The following CTNNA3 variants were observed in gnomAD, a reference collection of about 807,000 sequenced individuals.
The protein encoded by CTNNA3 is catenin alpha 3, also known as catenin alpha-3.
A neutral mutation model predicts 95.7 loss-of-function variants in CTNNA3; 76 were observed. The ratio of observed to expected loss-of-function variants is 0.79; its 90% CI spans 0.66 to 0.96. The LOEUF is 0.96. CTNNA3 is among the 40% of genes least tolerant of loss of function. The pLI is 0.00. For synonymous variants in CTNNA3, 431 were observed against 374.4 expected, an observed-to-expected ratio of 1.15 and a Z score of -1.74; for missense variants, 1,191 against 1,089.8, an observed-to-expected ratio of 1.09 and a Z score of -1.31.
intron 11 of CTNNA3, among the ~76,000 whole-genome samples, chr10:66,488,222 A>G (rs1404840838): frequency 1.3e-5 from 2 of 152,208 alleles, no homozygotes; most frequent in African/African-American, 2.4e-5. Flanking sequence ...AATCACTTGA[A>G]ATAACTATAG....
chr10:65,976,060 GACAA>G (rs940330328), intron 16 of CTNNA3, among the ~76,000 whole-genome samples: 12 of 152,126 alleles, frequency 7.9e-5, no homozygotes, highest in African/African-American at 2.9e-4. Flanking sequence ...GGAGAATATT[GACAA>G]ACAGAGAGGT....
chr10:67,319,434 T>G (rs576827751), intron 5 of CTNNA3, among the ~76,000 whole-genome samples: 11 of 152,172 alleles, frequency 7.2e-5, no homozygotes, highest in Non-Finnish European at 1.5e-4. Context: ...ACTCATGAAT[T>G]ATGCCTAGCA....
chr10:66,469,205 T>C (rs1366102075), intron 11 of CTNNA3, among the ~76,000 whole-genome samples: 1 of 151,858 alleles, frequency 6.6e-6, no homozygotes, highest in Admixed American at 6.6e-5. Flanking sequence ...AACACTTAAA[T>C]AGTAACACAA....
intron 12 of CTNNA3, among the ~76,000 whole-genome samples, chr10:66,350,659 G>A (rs2092560271): frequency 6.6e-6 from 1 of 150,720 alleles, no homozygotes; most frequent in Non-Finnish European, 1.5e-5. Context: ...TTGGGAAAAT[G>A]CTTATTTTCC....
intron 7 of CTNNA3, among the ~76,000 whole-genome samples, chr10:67,011,068 G>A (rs866391081): frequency 1.6e-4 from 25 of 152,006 alleles, no homozygotes; most frequent in South Asian, 6.2e-4. Flanking sequence ...GGTGGCTCAC[G>A]CCTGTAATCC....
chr10:67,579,495 A>C (rs1385628089), intron 3 of CTNNA3, among the ~76,000 whole-genome samples: 1 of 152,066 alleles, frequency 6.6e-6, no homozygotes, highest in Non-Finnish European at 1.5e-5. Flanking sequence ...GCTATTGTGA[A>C]TAGTGCCACA....
chr10:67,084,371 A>T (rs1339387436), intron 7 of CTNNA3, among the ~76,000 whole-genome samples: 1 of 152,002 alleles, frequency 6.6e-6, no homozygotes, highest in South Asian at 2.1e-4. Flanking sequence ...CAAGTTAAAA[A>T]TTTTTATATT....
intron 7 of CTNNA3, among the ~76,000 whole-genome samples, chr10:67,053,967 T>C (rs555205541): frequency 5.9e-5 from 9 of 151,902 alleles, no homozygotes; most frequent in Admixed American, 3.9e-4. Context: ...ATGTCATCCA[T>C]ATATCTTAGG....
At chr10:67,722,840 A>G (rs955452444) in intron 1 of CTNNA3, among the ~76,000 whole-genome samples, 4 of 152,178 alleles carry the variant, frequency 2.6e-5, no homozygotes, top group Non-Finnish European at 4.4e-5. Flanking sequence ...ATAAGTGAAC[A>G]TATTTGCTCA....
At chr10:67,364,336 G>C (rs1843120998) in intron 5 of CTNNA3, among the ~76,000 whole-genome samples, 1 of 151,948 alleles carries the variant, frequency 6.6e-6, no homozygotes, top group East Asian at 1.9e-4. Flanking sequence ...CATAATAAGA[G>C]CTATTTATGA....
chr10:66,422,932 A>G (rs2093208388), intron 11 of CTNNA3, among the ~76,000 whole-genome samples: 1 of 151,850 alleles, frequency 6.6e-6, no homozygotes, highest in Non-Finnish European at 1.5e-5. Context: ...TCCCAGCCAA[A>G]TTTCATTTTT....
At chr10:66,975,200 T>G (rs1849963106) in intron 7 of CTNNA3, among the ~76,000 whole-genome samples, 1 of 152,200 alleles carries the variant, frequency 6.6e-6, no homozygotes, top group Non-Finnish European at 1.5e-5. Context: ...GCTCAATAAC[T>G]GATTTATTTG....
chr10:67,477,054 G>A (rs1187382839), intron 5 of CTNNA3, among the ~76,000 whole-genome samples: 2 of 151,988 alleles, frequency 1.3e-5, no homozygotes, highest in Admixed American at 6.6e-5. Context: ...TTAACAGCCT[G>A]AGCTGCCCAA....
At chr10:66,169,942 G>A in intron 13 of CTNNA3, among the ~76,000 whole-genome samples, 1 of 152,008 alleles carries the variant, frequency 6.6e-6, no homozygotes, top group East Asian at 1.9e-4. Flanking sequence ...ATGTATAGAT[G>A]GTGAAGATTT....
chr10:66,634,745 A>T (rs1263333186), intron 9 of CTNNA3, among the ~76,000 whole-genome samples: 4 of 152,144 alleles, frequency 2.6e-5, no homozygotes, highest in Non-Finnish European at 5.9e-5. Flanking sequence ...CTCTCAAATA[A>T]GTCATTAAAG....
chr10:67,066,195 C>CTTTTTTTT (rs71006118), intron 7 of CTNNA3, among the ~76,000 whole-genome samples: 5 of 123,062 alleles, frequency 4.1e-5, no homozygotes, highest in African/African-American at 1.6e-4. Context: ...AAGTCACTGG[C>CTTTTTTTT]TTTTTTTTTT....
intron 7 of CTNNA3, among the ~76,000 whole-genome samples, chr10:67,086,259 T>TA (rs970404965): frequency 1.3e-5 from 2 of 152,042 alleles, no homozygotes; most frequent in African/African-American, 4.8e-5. Flanking sequence ...GGATTTTCTT[T>TA]AAAAAATGTT....
chr10:66,626,495 T>C (rs893491057), intron 9 of CTNNA3, among the ~76,000 whole-genome samples: 1 of 152,166 alleles, frequency 6.6e-6, no homozygotes, highest in African/African-American at 2.4e-5. Flanking sequence ...TGTAAATACT[T>C]CCAGAGGCAG....
chr10:66,794,059 T>C (rs1006019865), intron 7 of CTNNA3, among the ~76,000 whole-genome samples: 1 of 152,150 alleles, frequency 6.6e-6, no homozygotes, highest in Non-Finnish European at 1.5e-5. Context: ...ACTAAGCATT[T>C]AAGATTAAAT....
Sources: gnomAD v4.1 joint callset for allele counts (sites outside exome capture counted in the v4.1 genomes callset) on GRCh38, gnomAD v4.1.1 for gene constraint, MANE v1.5 for transcripts, NCBI Gene and HGNC (gene_info 2026-07-23, HGNC 2026-07-21) for gene names.